Variants in PRXL2C observed in about 807,000 individuals in gnomAD.
The protein encoded by PRXL2C is peroxiredoxin-like 2C.
Under a neutral mutation model 24.9 loss-of-function variants are expected in PRXL2C, and 38 were observed. The ratio of observed to expected loss-of-function variants is 1.53; its 90% CI spans 1.18 to 2.00. The LOEUF (loss-of-function observed/expected upper bound fraction) is 2.00, where lower values mean the gene tolerates loss of function less well. Ranked by LOEUF, PRXL2C falls within the 30% of genes most tolerant of loss-of-function variation. PRXL2C has a pLI of 0.00. For synonymous variants in PRXL2C, 98 were observed against 117.2 expected (o/e 0.84, Z 1.06); for missense variants, 294 against 290.9 (o/e 1.01, Z -0.08).
At chr9:96,647,679 A>G (rs1209504661) in intron 4 of PRXL2C, among the ~76,000 whole-genome samples, 1 of 151,908 alleles carries the variant, frequency 6.6e-6, no homozygotes, top group Non-Finnish European at 1.5e-5. Context: ...CATGCCACCA[A>G]TCCTGGCTAA....
At chr9:96,653,564 TA>T (rs1848305160) in intron 2 of PRXL2C, among the ~76,000 whole-genome samples, 1 of 152,158 alleles carries the variant, frequency 6.6e-6, no homozygotes, top group Non-Finnish European at 1.5e-5. Context: ...TCAAAATTGC[TA>T]AAAGACTAGT....
At chr9:96,653,381 C>T (rs1485586933) in intron 2 of PRXL2C, among the ~76,000 whole-genome samples, 2 of 152,114 alleles carry the variant, frequency 1.3e-5, no homozygotes, top group African/African-American at 4.8e-5. Context: ...CGCATGATCT[C>T]ATTTACCTAT....
intron 5 of PRXL2C, among the ~76,000 whole-genome samples, chr9:96,642,932 A>T (rs555521699): frequency 6.6e-6 from 1 of 152,326 alleles, no homozygotes; most frequent in Non-Finnish European, 1.5e-5. Flanking sequence ...AATATTCAGA[A>T]AAAAAGGATA....
rs1295329177 is a variant in PRXL2C, at chr9:96,640,368, A to G, written c.*1391T>C. ...ACATGGTGGAACCCCGTCTCTACTA[A>G]AAGTAGCCAGGTATGGTGGCGGGTG... is the stretch of plus-strand genomic sequence containing the variant. On this transcript the variant is annotated 3_prime_UTR_variant, in exon 6 of 6. Transcript: ENST00000375234. 1.3e-5 allele frequency: 2 copies of G among 151,764 alleles called. No homozygotes were observed. The highest frequency in any genetic ancestry group is 4.9e-5 in the African/African-American group (2 of 41,236). 9.4% of individuals were successfully genotyped at this position (151,764 alleles called of 1,614,324 possible).
At chr9:96,650,728 G>A (rs778332216) in intron 4 of PRXL2C, among the ~76,000 whole-genome samples, 1 of 152,040 alleles carries the variant, frequency 6.6e-6, no homozygotes, top group Non-Finnish European at 1.5e-5. Context: ...AAATATACTT[G>A]TAAAAAATAC....
rs143527332 is a variant in PRXL2C, at chr9:96,651,457, A to C, written c.354T>G (p.Tyr118Ter). 1 of 1,613,130 alleles carries C rather than the reference A, an allele frequency of 6.2e-7. No individual in the cohort carries two copies. Among genetic ancestry groups the C allele is most frequent in the Admixed American group, 1.7e-5 (1 of 59,824 alleles). ...CKLTGYSHEI[Y>*]VDPEREIYKR... ...TATAAATTTCTCTCTCAGGATCGACATAGATTTCATGAGAATATCCAGTCA... is the reference window on the plus strand; with the variant it reads ...TATAAATTTCTCTCTCAGGATCGACCTAGATTTCATGAGAATATCCAGTCA... Residue 118 changes from tyrosine (Y) to a stop codon, truncating the protein, a stop_gained, in exon 4 of 6, where the codon TAT becomes TAG. Transcript: ENST00000375234. LOFTEE classifies it high-confidence loss of function.
intron 2 of PRXL2C, among the ~76,000 whole-genome samples, chr9:96,653,191 CACTCCAGCCTGGGCGATAGAGTGAG>C (rs1848297446): frequency 1.3e-5 from 2 of 150,622 alleles, no homozygotes; most frequent in African/African-American, 4.9e-5. Flanking sequence ...CGCGCCACTG[CACTCCAGCCTGGGCGATAGAGTGAG>C]ACTCCATCTC....
chr9:96,643,427 T>C (rs1245141289), intron 5 of PRXL2C, among the ~76,000 whole-genome samples: 1 of 152,116 alleles, frequency 6.6e-6, no homozygotes, highest in South Asian at 2.1e-4. Context: ...TTTATATTTT[T>C]AGTAGAGATG....
intron 5 of PRXL2C, among the ~76,000 whole-genome samples, chr9:96,645,191 A>G (rs139725443): frequency 0.031 from 4,748 of 151,264 alleles, 172 homozygotes; most frequent in Admixed American, 0.11. Flanking sequence ...TTACAGGCGT[A>G]AACCACCGCG....
At position 96,641,510 on chromosome 9, in the gene PRXL2C, G is replaced by T. The variant is rs1345245613; in HGVS notation, c.*249C>A. ...TATTTATGATTTTATAGCTTTTAAA[G>T]TTATATTTTGTATATTCATTTTTTT... is the stretch of plus-strand genomic sequence containing the variant. On this transcript the variant is annotated 3_prime_UTR_variant, in exon 6 of 6. Coordinates refer to ENST00000375234, the MANE Select transcript of PRXL2C (RefSeq NM_153698.2). The T allele has an allele frequency of 3.4e-6, 1 of 292,006 alleles. No individual in the cohort carries two copies. Among genetic ancestry groups the T allele is most frequent in the Non-Finnish European group, 6.3e-6 (1 of 159,862 alleles). 18.1% of individuals were successfully genotyped at this position (292,006 alleles called of 1,614,324 possible).
At chr9:96,644,891 T>C (rs1848171282) in intron 5 of PRXL2C, among the ~76,000 whole-genome samples, 2 of 85,586 alleles carry the variant, frequency 2.3e-5, no homozygotes, top group African/African-American at 1.3e-4. Context: ...CTTTTTTTTT[T>C]TTTTTTTTTT....
At chr9:96,642,420 A>C (rs1245398296) in intron 5 of PRXL2C, among the ~76,000 whole-genome samples, 2 of 152,194 alleles carry the variant, frequency 1.3e-5, no homozygotes, top group East Asian at 3.8e-4. Context: ...CAATCCTTAC[A>C]TCTGTTCAAA....
At chr9:96,646,455 CACTT>C (rs1238836927) in intron 4 of PRXL2C, among the ~76,000 whole-genome samples, 8 of 152,228 alleles carry the variant, frequency 5.3e-5, no homozygotes, top group African/African-American at 1.9e-4. Context: ...TGTTTAGTCT[CACTT>C]ATTAATAGGC....
chr9:96,654,956 A>T, intron 1 of PRXL2C, 134 bp downstream of exon 1: 1 of 1,216,224 alleles, frequency 8.2e-7, no homozygotes, highest in Non-Finnish European at 1.1e-6. Flanking sequence ...GCCCCGCCCT[A>T]GTTGGGAAGC....
chr9:96,648,430 AT>A lies in PRXL2C; in HGVS notation c.422-2407del, dbSNP rs527387192. On this transcript the variant is annotated intron_variant, in intron 4 of 5. Coordinates refer to ENST00000375234, the MANE Select transcript of PRXL2C (RefSeq NM_153698.2). ...CTTCATTTTCTTATTCTTCATCTTTATTAAAATAGGCACCATTAATTTTAAA... is the reference window on the plus strand; with the variant it reads ...CTTCATTTTCTTATTCTTCATCTTTATAAAATAGGCACCATTAATTTTAAA... Among the ~76,000 whole-genome samples the A allele has an allele frequency of 2.6e-3, 397 of 152,064 alleles. 3 individuals carry two copies. Among genetic ancestry groups the A allele is most frequent in the African/African-American group, 8.5e-3 (352 of 41,522 alleles).
intron 2 of PRXL2C, among the ~76,000 whole-genome samples, chr9:96,653,369 A>C (rs1848301187): frequency 6.6e-6 from 1 of 152,218 alleles, no homozygotes; most frequent in African/African-American, 2.4e-5. Context: ...GAAGAAAAAC[A>C]CCGCATGATC....
chr9:96,642,569 C>T (rs1013695571), intron 5 of PRXL2C, among the ~76,000 whole-genome samples: 2 of 139,306 alleles, frequency 1.4e-5, no homozygotes, highest in East Asian at 2.1e-4. Flanking sequence ...TTTTTTGAGA[C>T]GGAGGCTCGC....
intron 4 of PRXL2C, among the ~76,000 whole-genome samples, chr9:96,649,531 T>C (rs1848241120): frequency 1.5e-5 from 2 of 137,342 alleles, no homozygotes; most frequent in Admixed American, 1.3e-4. Flanking sequence ...ACCATCACAC[T>C]CTAGCCTAGA....
intron 2 of PRXL2C, among the ~76,000 whole-genome samples, 139 bp downstream of exon 2, chr9:96,654,548 CTCTGACGTCTCACTCCTT>C (rs1848321378): frequency 6.6e-6 from 1 of 152,226 alleles, no homozygotes. Flanking sequence ...AGAAATAGAT[CTCTGACGTCTCACTCCTT>C]TTGGAGGGGC....
Sources: allele counts gnomAD v4.1 joint callset (sites outside exome capture counted in the v4.1 genomes callset), GRCh38; gene constraint gnomAD v4.1.1; transcripts MANE v1.5; gene names NCBI Gene and HGNC (gene_info 2026-07-23, HGNC 2026-07-21).